The following TBCEL variants were observed in gnomAD, a reference collection of about 807,000 sequenced individuals.
The protein encoded by TBCEL is tubulin-specific chaperone cofactor E-like protein.
A neutral mutation model predicts 44.2 loss-of-function variants in TBCEL; 15 were observed. The observed-to-expected ratio is 0.34, with a 90% CI of 0.23 to 0.52. TBCEL has a LOEUF of 0.52. Ranked by LOEUF, TBCEL falls within the 20% of genes least tolerant of loss-of-function variation. TBCEL has a pLI of 0.95. For missense variants in TBCEL, 319 were observed against 506.3 expected, an observed-to-expected ratio of 0.63 and a Z score of 3.55; for synonymous variants, 171 against 185.4, an observed-to-expected ratio of 0.92 and a Z score of 0.63.
At position 121,055,340 on chromosome 11, in the gene TBCEL, CA is replaced by C. The variant is rs1392676762; in HGVS notation, c.712+35del. 6 of 1,539,112 alleles carry C rather than the reference CA, an allele frequency of 3.9e-6. No homozygotes were observed. In the African/African-American group the frequency reaches 5.5e-5, roughly 14 times the overall value. On this transcript the variant is annotated intron_variant, in intron 6 of 8. Transcript: ENST00000683345. ...TTCAGGCTTGTTCTTATTCTACATG[CA>C]AATTAACCTGAGCATATGCATGAAA...
chr11:121,065,766 A>G (rs1185819879), intron 8 of TBCEL, among the ~76,000 whole-genome samples: 1 of 152,192 alleles, frequency 6.6e-6, no homozygotes, highest in Non-Finnish European at 1.5e-5. Flanking sequence ...TCTTTTCTCA[A>G]CAGCACTCTC....
At chr11:121,074,824 A>AT (rs954533297) in intron 8 of TBCEL, among the ~76,000 whole-genome samples, 4 of 151,968 alleles carry the variant, frequency 2.6e-5, no homozygotes, top group African/African-American at 9.7e-5. Flanking sequence ...GGAATCATGT[A>AT]TGTAGTCTCT....
rs186799842 is a variant in TBCEL, at chr11:121,076,298, C to T, written c.957-10480C>T. Among the ~76,000 whole-genome samples the T allele has an allele frequency of 2.6e-4, 40 of 152,100 alleles. No individual in the cohort carries two copies. In the East Asian group the frequency reaches 6.9e-3, roughly 26 times the overall value. ...AATTTACATCTTAATAATACTGAGT[C>T]TTCCTGTCCATGAACCCAGTATCTC... On this transcript the variant is annotated intron_variant, in intron 8 of 8. Transcript: ENST00000683345.
At chr11:121,046,599 C>T (rs537565210) in intron 3 of TBCEL, among the ~76,000 whole-genome samples, 5 of 151,266 alleles carry the variant, frequency 3.3e-5, no homozygotes, top group African/African-American at 4.9e-5. Context: ...TTTTTTTTTC[C>T]GGGATCCATT....
intron 1 of TBCEL, 147 bp from the exon 2 acceptor site, chr11:121,036,358 G>T (rs998261714): frequency 6.6e-6 from 1 of 152,432 alleles, no homozygotes; most frequent in African/African-American, 2.4e-5. Flanking sequence ...TTGGGGATGT[G>T]TGTGGTGGGG....
intron 8 of TBCEL, among the ~76,000 whole-genome samples, chr11:121,079,456 GAAT>G (rs1178758223): frequency 6.6e-6 from 1 of 152,172 alleles, no homozygotes; most frequent in Non-Finnish European, 1.5e-5. Context: ...GATAGTCTCA[GAAT>G]AAAACCTGAG....
intron 2 of TBCEL, among the ~76,000 whole-genome samples, chr11:121,037,627 T>A (rs1276059147): frequency 6.6e-6 from 1 of 152,224 alleles, no homozygotes; most frequent in Non-Finnish European, 1.5e-5. Flanking sequence ...CTTCTTGACA[T>A]GGAAAATTTT....
chr11:121,078,626 G>A (rs537520448), intron 8 of TBCEL, among the ~76,000 whole-genome samples: 1 of 152,066 alleles, frequency 6.6e-6, no homozygotes, highest in Non-Finnish European at 1.5e-5. Context: ...CTCATTTCAT[G>A]CACAGCCTCT....
At chr11:121,070,597 G>C (rs565907132) in intron 8 of TBCEL, among the ~76,000 whole-genome samples, 2 of 151,428 alleles carry the variant, frequency 1.3e-5, no homozygotes, top group South Asian at 2.1e-4. Flanking sequence ...GCAAACTATC[G>C]CAAGGACAGA....
intron 8 of TBCEL, among the ~76,000 whole-genome samples, chr11:121,085,754 C>T (rs1050550629): frequency 6.6e-6 from 1 of 152,088 alleles, no homozygotes; most frequent in African/African-American, 2.4e-5. Context: ...GATTCTTCCC[C>T]TTGGGCTTCC....
intron 3 of TBCEL, among the ~76,000 whole-genome samples, 173 bp downstream of exon 3, chr11:121,045,996 C>T (rs1437349311): frequency 1.3e-5 from 2 of 152,010 alleles, no homozygotes; most frequent in African/African-American, 4.8e-5. Flanking sequence ...GGTTTTCCTC[C>T]AGATTGATTA....
intron 8 of TBCEL, among the ~76,000 whole-genome samples, chr11:121,060,341 C>T (rs1193324197): frequency 6.6e-6 from 1 of 151,912 alleles, no homozygotes; most frequent in Non-Finnish European, 1.5e-5. Flanking sequence ...CCAGTAGTTC[C>T]TGCTGCATAC....
chr11:121,079,908 C>T (rs559299624), intron 8 of TBCEL, among the ~76,000 whole-genome samples: 6 of 152,176 alleles, frequency 3.9e-5, no homozygotes, highest in South Asian at 2.1e-4. Flanking sequence ...TCCACCTCCC[C>T]GGTTCAAGCA....
At chr11:121,063,546 C>G (rs1369020663) in intron 8 of TBCEL, among the ~76,000 whole-genome samples, 2 of 151,930 alleles carry the variant, frequency 1.3e-5, no homozygotes, top group African/African-American at 4.8e-5. Context: ...CTTAACTACC[C>G]TGGTATATAG....
At chr11:121,039,238 T>C (rs1442957996) in intron 2 of TBCEL, among the ~76,000 whole-genome samples, 1 of 152,362 alleles carries the variant, frequency 6.6e-6, no homozygotes, top group African/African-American at 2.4e-5. Context: ...TCATGTGCTG[T>C]TGTTTCCTGT....
At chr11:121,060,175 T>G (rs1945694705) in intron 8 of TBCEL, 90 bp downstream of exon 8, 1 of 851,514 alleles carries the variant, frequency 1.2e-6, no homozygotes, top group African/African-American at 1.7e-5. Context: ...TCATTTGTTA[T>G]TGGACCCTTC....
intron 8 of TBCEL, 22 bp downstream of exon 8, chr11:121,060,107 A>G (rs370115170): frequency 1.3e-5 from 21 of 1,568,766 alleles, no homozygotes; most frequent in Non-Finnish European, 1.8e-5. Context: ...CCCATTGGCC[A>G]AACACTTTAG....
chr11:121,034,580 T>TA (rs1945198536), intron 1 of TBCEL, among the ~76,000 whole-genome samples: 1 of 152,190 alleles, frequency 6.6e-6, no homozygotes, highest in Non-Finnish European at 1.5e-5. Flanking sequence ...TTAGAAAACC[T>TA]ACTGATTAGC....
chr11:121,053,812 CAAGAAATACTAGAACTGCAGATTG>C, intron 5 of TBCEL, 80 bp downstream of exon 5: 1 of 1,406,770 alleles, frequency 7.1e-7, no homozygotes, highest in African/African-American at 1.4e-5. Flanking sequence ...ATCTCCCACG[CAAGAAATACTAGAACTGCAGATTG>C]AGTGGAGAAA....
Sources: gnomAD v4.1 joint callset for allele counts (sites outside exome capture counted in the v4.1 genomes callset) on GRCh38, gnomAD v4.1.1 for gene constraint, MANE v1.5 for transcripts, NCBI Gene and HGNC (gene_info 2026-07-23, HGNC 2026-07-21) for gene names.